FBN3: variants seen among roughly 807,000 people sequenced by gnomAD.
FBN3 encodes the protein fibrillin 3.
A neutral mutation model predicts 330.1 loss-of-function variants in FBN3; 234 were observed. The observed-to-expected ratio is 0.71, with a 90% CI of 0.64 to 0.79. The LOEUF (loss-of-function observed/expected upper bound fraction) is 0.79, where lower values mean the gene tolerates loss of function less well. Among genes scored for constraint, FBN3 ranks in the 30% least tolerant of loss-of-function variants. FBN3 has a pLI of 0.00. For synonymous variants in FBN3, 1,458 were observed against 1,517.3 expected (o/e 0.96, Z 0.91); for missense variants, 3,606 against 3,886.9 (o/e 0.93, Z 1.92).
chr19:8,066,292 C>G, intron 63 of FBN3, 32 bp from the exon 64 acceptor site: 1 of 1,458,850 alleles, frequency 6.9e-7, no homozygotes, highest in South Asian at 1.4e-5. Context: ...GTGGTCAGAG[C>G]CCAGGAGAAT....
intron 10 of FBN3, among the ~76,000 whole-genome samples, 187 bp downstream of exon 10, chr19:8,137,954 C>G (rs117733361): frequency 0.018 from 2,807 of 152,252 alleles, 31 homozygotes; most frequent in Middle Eastern, 0.078. Context: ...GGACCAGATT[C>G]TCCAGTTACC....
rs766350503 is a variant in FBN3, at chr19:8,097,388, C to T, written c.5188G>A (p.Ala1730Thr). 21 of 1,603,672 alleles carry T rather than the reference C, an allele frequency of 1.3e-5. No individual in the cohort carries two copies. The highest frequency in any genetic ancestry group is 3.3e-5 in the South Asian group (3 of 90,548). Residue 1730 changes from alanine (A) to threonine (T), a missense_variant, in exon 42 of 64, where the codon GCC becomes ACC. Coordinates refer to ENST00000600128, the MANE Select transcript of FBN3 (RefSeq NM_032447.5). ...LDIDECGEIPAICANGICINQ... is the reference protein window; with the variant it reads ...LDIDECGEIPTICANGICINQ... ...ATGCAGATGCCATTGGCACAGATGG[C>T]GGGGATCTCCCCACACTCATCAATG... is the stretch of plus-strand genomic sequence containing the variant.
intron 40 of FBN3, among the ~76,000 whole-genome samples, chr19:8,101,526 C>T (rs1195134320): frequency 1.3e-5 from 2 of 152,212 alleles, no homozygotes; most frequent in Non-Finnish European, 2.9e-5. Flanking sequence ...CTTCCCTCAT[C>T]CTGACCGATG....
intron 32 of FBN3, 63 bp downstream of exon 32, chr19:8,111,585 C>T (rs539476773): frequency 1.2e-5 from 16 of 1,362,902 alleles, no homozygotes; most frequent in Admixed American, 8.7e-5. Flanking sequence ...TGGCAGCCAC[C>T]GTGAATTCAG....
rs576033374 is a variant in FBN3 at position 8,131,348 on chromosome 19, C to G, written c.1991-60G>C. 1 of 1,582,696 alleles carries G rather than the reference C, an allele frequency of 6.3e-7. No homozygotes were observed. The highest frequency in any genetic ancestry group is 1.3e-5 in the African/African-American group (1 of 74,604). On this transcript the variant is annotated intron_variant, in intron 15 of 63. Coordinates refer to ENST00000600128, the MANE Select transcript of FBN3 (RefSeq NM_032447.5). The surrounding 1 kb of genome is among the most constrained non-coding windows in gnomAD (Gnocchi z 4.5). Reference sequence around the variant, plus strand: ...GAGCTTAGCCATGGCTCGGATTCAGCCACAGGCAAGGATGAGGCCCTCTGG... The same window carrying G: ...GAGCTTAGCCATGGCTCGGATTCAGGCACAGGCAAGGATGAGGCCCTCTGG...
intron 40 of FBN3, among the ~76,000 whole-genome samples, chr19:8,101,627 G>A (rs1040467752): frequency 1.3e-5 from 2 of 151,984 alleles, no homozygotes; most frequent in African/African-American, 4.8e-5. Flanking sequence ...AACCAGCTGT[G>A]CTTTCCTCCC....
intron 13 of FBN3, 25 bp downstream of exon 13, chr19:8,135,936 G>GGGGGGGGGCGCGCCCCCCCC: frequency 1.5e-6 from 1 of 668,778 alleles, no homozygotes; most frequent in Non-Finnish European, 2.4e-6. Flanking sequence ...GGAAGCCCCT[G>GGGGGGGGGCGCGCCCCCCCC]CCCACCCGCC....
Position 8,091,409 on chromosome 19 carries a change from C to A in FBN3, c.6031+56G>T. The A allele has an allele frequency of 2.5e-6, 4 of 1,595,578 alleles. No homozygotes were observed. In the Admixed American group the frequency reaches 5.1e-5, roughly 20 times the overall value. ...ACCACAGCCCTCTTTTCTGGGCAAT[C>A]TGACCCTTCCCCGCCCCACTTCCCA... On this transcript the variant is annotated intron_variant, in intron 48 of 63. Coordinates refer to ENST00000600128, the MANE Select transcript of FBN3 (RefSeq NM_032447.5).
At chr19:8,093,182 G>C (rs189625678) in intron 47 of FBN3, among the ~76,000 whole-genome samples, 20 of 152,224 alleles carry the variant, frequency 1.3e-4, no homozygotes, top group African/African-American at 4.6e-4. Flanking sequence ...TACTAAGCTA[G>C]CCCAAATAGA....
At chr19:8,128,896 C>T (rs1599410880) in intron 18 of FBN3, 132 bp downstream of exon 18, 5 of 1,062,500 alleles carry the variant, frequency 4.7e-6, no homozygotes, top group East Asian at 5.1e-5. Context: ...CTACATATAG[C>T]ATGCGTGTGT....
At chr19:8,102,381 A>AT (rs1207031304) in intron 40 of FBN3, among the ~76,000 whole-genome samples, 4 of 151,864 alleles carry the variant, frequency 2.6e-5, no homozygotes, top group Non-Finnish European at 5.9e-5. Context: ...CACCCAGCTA[A>AT]TTTTTTTGGT....
intron 39 of FBN3, 23 bp from the exon 40 acceptor site, chr19:8,102,896 G>T (rs201346849): frequency 6.2e-7 from 1 of 1,613,258 alleles, no homozygotes; most frequent in Admixed American, 1.7e-5. Context: ...CAAAGGAGAA[G>T]AATGTGGGTA....
At chr19:8,138,842 T>C (rs1481211858) in intron 8 of FBN3, among the ~76,000 whole-genome samples, 2 of 149,074 alleles carry the variant, frequency 1.3e-5, no homozygotes, top group East Asian at 4.0e-4. Context: ...AGGTCAGGAG[T>C]GCAAGACCAG....
In FBN3 at chr19:8,141,706, C is replaced by T. The variant is rs1300285505; in HGVS notation, c.865+11G>A. 1 of 1,608,774 alleles carries T rather than the reference C, an allele frequency of 6.2e-7. No individual in the cohort carries two copies. Among genetic ancestry groups the T allele is most frequent in the Non-Finnish European group, 8.5e-7 (1 of 1,176,794 alleles). On this transcript the variant is annotated intron_variant, in intron 8 of 63. Coordinates refer to ENST00000600128, the MANE Select transcript of FBN3 (RefSeq NM_032447.5). ...GAGGAGGTCTCAGGTTGTCCCCCTC[C>T]AGTCACCCACCTTCACATGCGGCGC...
chr19:8,111,126 G>A lies in FBN3; in HGVS notation c.4142C>T (p.Ala1381Val), dbSNP rs776828418. ...DLCDNGQCLN[A>V]PGGYRCECEM... The stretch of plus-strand genomic sequence containing the variant: ...ACATTCACAGCGGTACCCGCCGGGC[G>A]CATTGAGGCACTGCCCGTTGTCACA... Residue 1381 changes from alanine (A) to valine (V), a missense_variant, in exon 33 of 64, where the codon GCG (alanine) becomes GTG (valine). Ala to Val is a moderately conservative substitution (Grantham distance 64). Coordinates refer to ENST00000600128, the MANE Select transcript of FBN3 (RefSeq NM_032447.5). 25 of 1,612,938 alleles carry A rather than the reference G, an allele frequency of 1.5e-5. No individual in the cohort carries two copies. Among genetic ancestry groups the A allele is most frequent in the Middle Eastern group, 1.6e-4 (1 of 6,082 alleles).
chr19:8,087,115 C>G lies in FBN3; in HGVS notation c.6716G>C (p.Gly2239Ala), dbSNP rs749901675. 3 of 1,610,732 alleles carry G rather than the reference C, an allele frequency of 1.9e-6. No homozygotes were observed. Among genetic ancestry groups the G allele is most frequent in the South Asian group, 1.1e-5 (1 of 90,946 alleles). The change falls in exon 54 of 64, where the codon GGC (glycine) becomes GCC (alanine). Residue 2239 changes from glycine (G) to alanine (A), a missense_variant. Coordinates refer to ENST00000600128, the MANE Select transcript of FBN3 (RefSeq NM_032447.5). ...IGTFACVCPP[G>A]MRPLPGSGEG... ...CCCAGAGCCAGGCAGGGGCCGCATGCCTGGGGGACAGACGCACGCGAAGGT... is the reference window on the plus strand; with the variant it reads ...CCCAGAGCCAGGCAGGGGCCGCATGGCTGGGGGACAGACGCACGCGAAGGT...
intron 37 of FBN3, among the ~76,000 whole-genome samples, chr19:8,107,842 G>A (rs2082482412): frequency 6.6e-6 from 1 of 151,724 alleles, no homozygotes; most frequent in Admixed American, 6.6e-5. Flanking sequence ...ATGAATGGCT[G>A]GATGGATGGG....
chr19:8,085,966 A>ACAGTGGGAGGGACAGG (rs1286846035), intron 55 of FBN3, among the ~76,000 whole-genome samples: 32 of 104,348 alleles, frequency 3.1e-4, no homozygotes, highest in African/African-American at 6.2e-4. Flanking sequence ...GGGCTCCCAG[A>ACAGTGGGAGGGACAGG]CAGTGGGAGG....
At chr19:8,070,050 A>T (rs1176153089) in intron 63 of FBN3, among the ~76,000 whole-genome samples, 2 of 152,218 alleles carry the variant, frequency 1.3e-5, no homozygotes, top group Non-Finnish European at 2.9e-5. Context: ...TACAGTAGTA[A>T]ATCCTACAGA....
Sources: gnomAD v4.1 joint callset for allele counts (sites outside exome capture counted in the v4.1 genomes callset) on GRCh38, gnomAD v4.1.1 for gene constraint, Gnocchi (gnomAD v3.1) non-coding constraint, MANE v1.5 for transcripts, NCBI Gene and HGNC (gene_info 2026-07-23, HGNC 2026-07-21) for gene names.